Variants in ZNF536 observed in about 807,000 individuals in gnomAD.
ZNF536 encodes zinc finger protein 536.
A neutral mutation model predicts 84.5 loss-of-function variants in ZNF536; 13 were observed. The observed-to-expected ratio is 0.15, with a 90% CI of 0.10 to 0.24. ZNF536 has a LOEUF of 0.24. Among genes scored for constraint, ZNF536 ranks in the 10% least tolerant of loss-of-function variants. The pLI, the probability that ZNF536 is intolerant of heterozygous loss-of-function variation, is 1.00. For missense variants in ZNF536, 1,536 were observed against 1,747.5 expected, an observed-to-expected ratio of 0.88 and a Z score of 2.16; for synonymous variants, 811 against 742.5, an observed-to-expected ratio of 1.09 and a Z score of -1.50.
At chr19:30,598,124 C>T (rs1382697183) in intron 1 of ZNF536, among the ~76,000 whole-genome samples, 2 of 152,136 alleles carry the variant, frequency 1.3e-5, no homozygotes, top group Non-Finnish European at 2.9e-5. Context: ...CCGCCAGCTT[C>T]TTGACTTGAA....
Position 30,445,151 on chromosome 19 carries a change from G to C in ZNF536, c.1589G>C (p.Gly530Ala). 1 of 1,614,108 alleles carries C rather than the reference G, an allele frequency of 6.2e-7. No individual in the cohort carries two copies. The highest frequency in any genetic ancestry group is 8.5e-7 in the Non-Finnish European group (1 of 1,180,026). ...CAGGCTTGGCAGCTCATGGCCAGGG[G>C]CATGGCCATGGAACATGGCTTCTTG... ...SYQAWQLMAR[G>A]MAMEHGFLSK... The change falls in exon 2 of 5, where the codon GGC (glycine) becomes GCC (alanine). Residue 530 changes from glycine to alanine, a missense_variant. This residue lies in a region of ZNF536 where 366 missense variants were observed against 364.4 expected (regional missense o/e 1.00). Coordinates refer to ENST00000355537, the MANE Select transcript of ZNF536 (RefSeq NM_014717.3). This position sits in a 1 kb window ranked among gnomAD's most constrained non-coding sequence, Gnocchi z 4.5.
At chr19:30,598,987 TC>T (rs1568589392) in intron 1 of ZNF536, among the ~76,000 whole-genome samples, 1 of 25,114 alleles carries the variant, frequency 4.0e-5, no homozygotes, top group African/African-American at 1.6e-4. Context: ...CTCCCTCCCT[TC>T]CTTCCTCCCT....
At chr19:30,339,007 C>A (rs12978854) in intron 2 of ZNF536, among the ~76,000 whole-genome samples, 48,187 of 151,916 alleles carry the variant, frequency 0.32, 7,707 homozygotes, top group Middle Eastern at 0.44. Context: ...AGCTTGGTCC[C>A]TCCTCTTCCT....
intron 1 of ZNF536, among the ~76,000 whole-genome samples, chr19:30,387,122 G>A (rs779348399): frequency 1.3e-5 from 2 of 152,232 alleles, no homozygotes; most frequent in Non-Finnish European, 1.5e-5. Flanking sequence ...ATGAAGCACC[G>A]TTTTCATGCT....
At chr19:30,439,849 G>A (rs1010118451) in intron 1 of ZNF536, among the ~76,000 whole-genome samples, 154 of 152,240 alleles carry the variant, frequency 1.0e-3, no homozygotes, top group African/African-American at 3.6e-3. Flanking sequence ...GCCATCAGGG[G>A]TGGTCCAAGC....
At chr19:30,629,086 G>A (rs1318520618) in intron 1 of ZNF536, among the ~76,000 whole-genome samples, 1 of 152,212 alleles carries the variant, frequency 6.6e-6, no homozygotes, top group Non-Finnish European at 1.5e-5. Context: ...TGCTATGTAT[G>A]GGGCTTAGAC....
At chr19:30,374,218 C>A (rs1423791563) in intron 1 of ZNF536, among the ~76,000 whole-genome samples, 1 of 151,752 alleles carries the variant, frequency 6.6e-6, no homozygotes, top group African/African-American at 2.4e-5. Flanking sequence ...AAGTAGTTCT[C>A]TATAGGTTGA....
chr19:30,385,438 C>T (rs547221448), intron 1 of ZNF536, among the ~76,000 whole-genome samples: 4 of 152,076 alleles, frequency 2.6e-5, no homozygotes, highest in Admixed American at 6.6e-5. Flanking sequence ...GGGTAACGAC[C>T]GTTACCCTGG....
At chr19:30,609,299 G>C (rs976246347) in intron 1 of ZNF536, among the ~76,000 whole-genome samples, 2 of 152,138 alleles carry the variant, frequency 1.3e-5, no homozygotes, top group African/African-American at 4.8e-5. Flanking sequence ...ATATGATTCA[G>C]GGAAACCCAC....
intron 1 of ZNF536, among the ~76,000 whole-genome samples, chr19:30,275,797 T>C (rs1221886393): frequency 6.6e-6 from 1 of 151,920 alleles, no homozygotes; most frequent in Non-Finnish European, 1.5e-5. Flanking sequence ...AATTCAAGAA[T>C]GGTCAGTCAA....
intron 1 of ZNF536, among the ~76,000 whole-genome samples, chr19:30,386,405 C>G (rs2049344022): frequency 6.6e-6 from 1 of 152,168 alleles, no homozygotes; most frequent in Non-Finnish European, 1.5e-5. Flanking sequence ...GAGATAGGGT[C>G]TCACTCTGTC....
At chr19:30,607,531 C>T (rs1391382547) in intron 1 of ZNF536, among the ~76,000 whole-genome samples, 1 of 151,818 alleles carries the variant, frequency 6.6e-6, no homozygotes, top group Non-Finnish European at 1.5e-5. Flanking sequence ...ACCAACCTGG[C>T]CAACATGGTG....
Position 30,629,664 on chromosome 19 carries a change from A to G in ZNF536, c.169+80150A>G, listed in dbSNP as rs562633821. On this transcript the variant is annotated intron_variant, in intron 1 of 1. Transcript: ENST00000592773. ...TGGCCTGCCTGCTGGCCGCAGTGAA[A>G]GGGTGCTATGACCTGTCCCTCAGTC... Among the ~76,000 whole-genome samples, 37 of 152,326 alleles carry G rather than the reference A, an allele frequency of 2.4e-4. 1 individual carries two copies. The highest frequency in any genetic ancestry group is 8.7e-4 in the African/African-American group (36 of 41,574).
chr19:30,689,915 G>T (rs6510176), intron 1 of ZNF536, among the ~76,000 whole-genome samples: 1 of 152,096 alleles, frequency 6.6e-6, no homozygotes, highest in Non-Finnish European at 1.5e-5. Flanking sequence ...AAATTTCAGC[G>T]TGGCTTTTCA....
At chr19:30,401,631 TA>T (rs1210430352) in intron 1 of ZNF536, among the ~76,000 whole-genome samples, 2 of 152,232 alleles carry the variant, frequency 1.3e-5, no homozygotes. Flanking sequence ...TATAATGGGG[TA>T]AAAACCGTAA....
chr19:30,281,028 G>A (rs912143339), intron 1 of ZNF536, among the ~76,000 whole-genome samples: 2 of 152,212 alleles, frequency 1.3e-5, no homozygotes, highest in East Asian at 3.9e-4. Flanking sequence ...CTTGGGGTAG[G>A]CCCACTGTGT....
chr19:30,555,270 T>A (rs2045924538), intron 4 of ZNF536: 1 of 152,228 alleles, frequency 6.6e-6, no homozygotes, highest in African/African-American at 2.4e-5. Flanking sequence ...TGCTTCTCAG[T>A]TGAGTTTGCA....
At position 30,254,313 on chromosome 19, in the gene ZNF536, G is replaced by T. The variant is rs1003899741; in HGVS notation, c.-190+25640G>T. On this transcript the variant is annotated intron_variant, in intron 1 of 5. Coordinates refer to the ZNF536 transcript ENST00000585628. ...CCATCTGTCATCTTCTAGCAAGGAG[G>T]GCACATGTTCTGTACCACTCAATTA... is the stretch of plus-strand genomic sequence containing the variant. 2.0e-5 allele frequency among the ~76,000 whole-genome samples: 3 copies of T among 152,142 alleles called. No homozygotes were observed. The South Asian group carries it at 6.2e-4, about 32-fold the overall frequency.
chr19:30,262,057 G>T (rs922320272), intron 1 of ZNF536, among the ~76,000 whole-genome samples: 1 of 152,266 alleles, frequency 6.6e-6, no homozygotes, highest in Non-Finnish European at 1.5e-5. Flanking sequence ...TTCAAAGCTA[G>T]TGATGAGAAA....
Sources: allele counts gnomAD v4.1 joint callset (sites outside exome capture counted in the v4.1 genomes callset), GRCh38; gene constraint gnomAD v4.1.1; regional missense constraint gnomAD v4.1.1; non-coding constraint Gnocchi (gnomAD v3.1); transcripts MANE v1.5; gene names NCBI Gene and HGNC (gene_info 2026-07-23, HGNC 2026-07-21).